CNGB1: variants seen among roughly 807,000 people sequenced by gnomAD.
CNGB1 encodes the protein cyclic nucleotide-gated channel beta-1.
In CNGB1, 126 loss-of-function variants were observed where a neutral mutation model predicts 151.7. The observed-to-expected ratio is 0.83, with a 90% confidence interval of 0.72 to 0.96. The LOEUF (loss-of-function observed/expected upper bound fraction) is 0.96, where lower values mean the gene tolerates loss of function less well. Ranked by LOEUF, CNGB1 falls within the 40% of genes least tolerant of loss-of-function variation. The pLI is 0.00. For missense variants in CNGB1, 1,698 were observed against 1,627.0 expected (o/e 1.04, Z -0.75); for synonymous variants, 623 against 635.1 (o/e 0.98, Z 0.29).
chr16:57,891,805 C>T (rs1960098947), intron 31 of CNGB1, among the ~76,000 whole-genome samples: 1 of 152,182 alleles, frequency 6.6e-6, no homozygotes, highest in Non-Finnish European at 1.5e-5. Context: ...GATCCACCCA[C>T]CTCAGCCTCC....
In CNGB1 at chr16:57,934,913, C is replaced by T. The variant is rs145569716; in HGVS notation, c.1373-3035G>A. 7.8e-3 allele frequency among the ~76,000 whole-genome samples: 1,169 copies of T among 150,158 alleles called. 43 individuals are homozygous for T. In the East Asian group the frequency reaches 0.1, roughly 13 times the overall value. On this transcript the variant is annotated intron_variant, in intron 16 of 32. Transcript: ENST00000251102. ...CGGAGCTTGCAGTGAGCTGAGATTG[C>T]GCCACTGCACTTCAGCCTGGGTGGC...
intron 14 of CNGB1, among the ~76,000 whole-genome samples, chr16:57,948,370 G>A (rs1449067144): frequency 1.3e-5 from 2 of 148,674 alleles, no homozygotes; most frequent in Admixed American, 6.7e-5. Context: ...GGCTAGGCTG[G>A]TCTCGAACTC....
intron 25 of CNGB1, among the ~76,000 whole-genome samples, chr16:57,905,893 GTTC>G (rs1960537493): frequency 6.6e-6 from 1 of 152,216 alleles, no homozygotes; most frequent in African/African-American, 2.4e-5. Context: ...ATAAGTTTCT[GTTC>G]TTTATAAGTT....
chr16:57,969,045 C>A (rs539094099), intron 1 of CNGB1, among the ~76,000 whole-genome samples: 1 of 152,212 alleles, frequency 6.6e-6, no homozygotes, highest in South Asian at 2.1e-4. Flanking sequence ...GTAGCTCACG[C>A]CTGTAATCCC....
At chr16:57,894,189 A>T (rs534336378) in intron 31 of CNGB1, among the ~76,000 whole-genome samples, 1 of 152,366 alleles carries the variant, frequency 6.6e-6, no homozygotes, top group African/African-American at 2.4e-5. Context: ...GAAAGGAATG[A>T]GGAAGCTGAC....
At chr16:57,899,582 G>T (rs1263479838) in intron 29 of CNGB1, among the ~76,000 whole-genome samples, 1 of 152,198 alleles carries the variant, frequency 6.6e-6, no homozygotes, top group East Asian at 1.9e-4. Flanking sequence ...GGAGGTTGCA[G>T]TGAGCCGAGA....
At chr16:57,922,327 G>C (rs7184838) in intron 18 of CNGB1, among the ~76,000 whole-genome samples, 6 of 152,002 alleles carry the variant, frequency 3.9e-5, no homozygotes, top group African/African-American at 1.2e-4. Flanking sequence ...CAGATCCTTC[G>C]GGAAGAAACC....
chr16:57,964,330 G>T (rs1376913696), intron 3 of CNGB1, 128 bp from the exon 4 acceptor site: 1 of 1,354,060 alleles, frequency 7.4e-7, no homozygotes, highest in Non-Finnish European at 1.0e-6. Context: ...CTCCAGCTCA[G>T]CTCAACTGAA....
chr16:57,961,142 G>A (rs1962245234), intron 7 of CNGB1, among the ~76,000 whole-genome samples: 2 of 151,982 alleles, frequency 1.3e-5, no homozygotes, highest in Admixed American at 1.3e-4. Context: ...CCACAGCCAT[G>A]GCCTCCTGGG....
At chr16:57,922,445 T>G (rs1306089385) in intron 18 of CNGB1, among the ~76,000 whole-genome samples, 19 of 151,142 alleles carry the variant, frequency 1.3e-4, no homozygotes, top group Admixed American at 6.6e-4. Context: ...TTTTTTTTTT[T>G]GAGATGAAGT....
Position 57,888,517 on chromosome 16 carries a change from G to T in CNGB1, c.3243-443C>A, listed in dbSNP as rs1380414416. ...AGGGTCTGGCTCTGTCGCCCAGGCA[G>T]GAGTGTAGTGGCGTGATCATGGCTT... On this transcript the variant is annotated intron_variant, in intron 31 of 32. Transcript: ENST00000251102. Among the ~76,000 whole-genome samples the T allele has an allele frequency of 2.0e-5, 3 of 152,070 alleles. No individual in the cohort carries two copies. The South Asian group carries it at 6.2e-4, about 32-fold the overall frequency.
Position 57,884,231 on chromosome 16 carries a change from C to G in CNGB1, c.3689G>C (p.Gly1230Ala), listed in dbSNP as rs1449144100. ...CAGGATCTGCTCTCCCGGCTCCGGG[C>G]CCGGGCTCATGCAGATCCTCACCGA... ...EHSVRICMSP[G>A]PEPGEQILSV... Residue 1230 changes from glycine to alanine, a missense_variant, in exon 33 of 33, where the codon GGC becomes GCC. Physicochemically the swap from Gly to Ala is moderately conservative, Grantham distance 60. Coordinates refer to ENST00000251102, the MANE Select transcript of CNGB1 (RefSeq NM_001297.5). The G allele has an allele frequency of 1.2e-6, 2 of 1,613,960 alleles. No individual in the cohort carries two copies. Among genetic ancestry groups the G allele is most frequent in the Admixed American group, 3.3e-5 (2 of 60,032 alleles).
Position 57,904,829 on chromosome 16 carries a change from C to A in CNGB1, c.2539G>T (p.Gly847Trp). The A allele has an allele frequency of 1.2e-6, 2 of 1,614,086 alleles. No individual in the cohort carries two copies. The highest frequency in any genetic ancestry group is 1.7e-6 in the Non-Finnish European group (2 of 1,180,024). The stretch of plus-strand genomic sequence containing the variant: ...AGTGTCTTGGGGTCAGGCAGCCCCC[C>A]GATGGTGATGAGGGTCTTCACAGCA... ...YFAVKTLITI[G>W]GLPDPKTLFE... Residue 847 changes from glycine (G) to tryptophan (W), a missense_variant, in exon 26 of 33, where the codon GGG becomes TGG. By Grantham distance (184) the Gly-to-Trp change is radical. Transcript: ENST00000251102.
At chr16:57,951,970 C>T (rs572041532) in intron 12 of CNGB1, among the ~76,000 whole-genome samples, 5 of 152,322 alleles carry the variant, frequency 3.3e-5, no homozygotes, top group East Asian at 1.9e-4. Context: ...GCCCTGCAAA[C>T]GCCCCTGGGG....
In CNGB1 at chr16:57,897,447, C is replaced by T. The variant is rs767959077; in HGVS notation, c.3192G>A (p.Glu1064=). Residue 1064 remains glutamate, a synonymous_variant, in exon 31 of 33, where the codon GAG becomes GAA. Transcript: ENST00000251102. ...LFILDKKDLN[E]ILVHYPESQK... ...GAGACTCAGGATAATGCACCAAAAT[C>T]TCATTCAGGTCCTTCTTATCCAGGA... 6.2e-7 allele frequency: 1 copy of T among 1,614,204 alleles called. No homozygotes were observed. The highest frequency in any genetic ancestry group is 1.3e-5 in the African/African-American group (1 of 75,058).
Position 57,887,736 on chromosome 16 carries a change from T to C in CNGB1, c.3462+119A>G. ...TGGTAACCAAATGAGCCCTGACTGA[T>C]AGAAAAAGGAGGGGGAAGACCCTAA... On this transcript the variant is annotated intron_variant, in intron 32 of 32. Transcript: ENST00000251102. The C allele has an allele frequency of 3.1e-6, 3 of 979,848 alleles. No individual in the cohort carries two copies. In the South Asian group the frequency reaches 3.9e-5, roughly 13 times the overall value. The allele number at this position is 979,848 out of a possible 1,614,324, so 60.7% of individuals were successfully genotyped here. A position where few individuals can be genotyped will look rare whatever the true frequency, so the allele number is the denominator to read the frequency against.
chr16:57,899,776 G>A (rs1960336677), intron 29 of CNGB1, among the ~76,000 whole-genome samples: 1 of 152,156 alleles, frequency 6.6e-6, no homozygotes, highest in Non-Finnish European at 1.5e-5. Context: ...TAACAAAAAG[G>A]TAGAGAGGTT....
chr16:57,895,183 AC>A (rs1393744689), intron 31 of CNGB1, among the ~76,000 whole-genome samples: 3 of 152,164 alleles, frequency 2.0e-5, no homozygotes, highest in Non-Finnish European at 4.4e-5. Flanking sequence ...GGTGGCTCAC[AC>A]CTGTAATCCC....
intron 17 of CNGB1, among the ~76,000 whole-genome samples, chr16:57,929,637 A>C (rs1961291894): frequency 6.6e-6 from 1 of 152,228 alleles, no homozygotes; most frequent in African/African-American, 2.4e-5. Context: ...ATGACAGAGC[A>C]GGAGAGAAAG....
Sources: allele counts gnomAD v4.1 joint callset (sites outside exome capture counted in the v4.1 genomes callset), GRCh38; gene constraint gnomAD v4.1.1; transcripts MANE v1.5; gene names NCBI Gene and HGNC (gene_info 2026-07-23, HGNC 2026-07-21).